The following DPP10 variants were observed in gnomAD, a reference collection of about 807,000 sequenced individuals.
DPP10 encodes the protein dipeptidyl peptidase like 10.
DPP10 carries 33 observed loss-of-function variants against 120.9 expected under a neutral mutation model. That is an observed-to-expected ratio of 0.27 (90% CI 0.21 to 0.37). The LOEUF (loss-of-function observed/expected upper bound fraction) is 0.37. DPP10 is among the 10% of genes least tolerant of loss of function. The pLI, the probability that DPP10 is intolerant of heterozygous loss-of-function variation, is 1.00. For missense variants in DPP10, 816 were observed against 942.8 expected (o/e 0.87, Z 1.76); for synonymous variants, 337 against 326.1 (o/e 1.03, Z -0.36).
intron 4 of DPP10, 118 bp from the exon 5 acceptor site, chr2:115,525,780 A>T (rs2078094776): frequency 2.9e-6 from 2 of 688,536 alleles, no homozygotes; most frequent in Non-Finnish European, 4.8e-6. Context: ...TATACAATAT[A>T]AAAGAAATGA....
At chr2:115,317,700 C>T (rs1039327840) in intron 2 of DPP10, among the ~76,000 whole-genome samples, 4 of 150,352 alleles carry the variant, frequency 2.7e-5, no homozygotes, top group African/African-American at 9.8e-5. Flanking sequence ...TTTTAATTTG[C>T]ATTTCCCTAA....
chr2:115,112,068 T>C (rs191833331), intron 1 of DPP10, among the ~76,000 whole-genome samples: 1 of 152,304 alleles, frequency 6.6e-6, no homozygotes, highest in Admixed American at 6.5e-5. Flanking sequence ...TTTGTATGTT[T>C]TTAATAAGAA....
At chr2:114,714,559 T>A (rs889318722) in intron 1 of DPP10, among the ~76,000 whole-genome samples, 1 of 152,038 alleles carries the variant, frequency 6.6e-6, no homozygotes, top group Non-Finnish European at 1.5e-5. Flanking sequence ...AGGAAGGAAA[T>A]GAGGATGAGC....
rs1189027561 is a variant in DPP10, at chr2:114,587,350, G to C, written c.60+144512G>C. 4.1e-5 allele frequency among the ~76,000 whole-genome samples: 6 copies of C among 148,026 alleles called. No homozygotes were observed. In the Admixed American group the frequency reaches 4.1e-4, roughly 10 times the overall value. On this transcript the variant is annotated intron_variant, in intron 1 of 25. Coordinates refer to ENST00000410059, the MANE Select transcript of DPP10 (RefSeq NM_020868.6). ...ACACACACGCATGCACACACACACA[G>C]ACACACACAGCCTCAGTTATTCCTT...
intron 1 of DPP10, among the ~76,000 whole-genome samples, chr2:114,846,704 T>C (rs1156288414): frequency 6.6e-6 from 1 of 152,154 alleles, no homozygotes; most frequent in Non-Finnish European, 1.5e-5. Flanking sequence ...CCTGATTTCA[T>C]CCACCATCAC....
chr2:115,307,934 G>C (rs1310564079), intron 1 of DPP10, among the ~76,000 whole-genome samples: 1 of 152,114 alleles, frequency 6.6e-6, no homozygotes, highest in Non-Finnish European at 1.5e-5. Flanking sequence ...TGAAAAAGAG[G>C]TGTGGAGCAA....
intron 3 of DPP10, among the ~76,000 whole-genome samples, chr2:115,480,610 A>G (rs2075369795): frequency 6.6e-6 from 1 of 152,138 alleles, no homozygotes. Context: ...CAGCTGTGCC[A>G]AGAGCAAATG....
At chr2:114,944,717 C>T (rs1697220055) in intron 1 of DPP10, among the ~76,000 whole-genome samples, 1 of 152,140 alleles carries the variant, frequency 6.6e-6, no homozygotes, top group African/African-American at 2.4e-5. Context: ...TTTACATACA[C>T]TATCTTTTTA....
rs910227711 is a variant in DPP10 at position 115,744,838 on chromosome 2, T to A, written c.853-1248T>A. Among the ~76,000 whole-genome samples, 4 of 150,614 alleles carry A rather than the reference T, an allele frequency of 2.7e-5. 1 individual carries two copies. The Admixed American group carries it at 2.8e-4, about 11-fold the overall frequency. ...TCAGTTTTATTCCCTTTAGGTTGTT[T>A]ATTGGATTTTTTAATTCAACTCACA... On this transcript the variant is annotated intron_variant, in intron 9 of 25. Coordinates refer to ENST00000410059, the MANE Select transcript of DPP10 (RefSeq NM_020868.6).
intron 9 of DPP10, among the ~76,000 whole-genome samples, chr2:115,740,160 G>C (rs138195949): frequency 1.3e-5 from 2 of 151,946 alleles, no homozygotes; most frequent in African/African-American, 4.8e-5. Flanking sequence ...ACACCTTACA[G>C]TTGAAAGGGG....
At chr2:115,261,834 G>T (rs2059263643) in intron 1 of DPP10, among the ~76,000 whole-genome samples, 1 of 152,122 alleles carries the variant, frequency 6.6e-6, no homozygotes, top group Non-Finnish European at 1.5e-5. Context: ...GTTCTCAAAA[G>T]ATACAAGCTT....
At chr2:114,648,696 G>A (rs1696327400) in intron 1 of DPP10, among the ~76,000 whole-genome samples, 1 of 152,166 alleles carries the variant, frequency 6.6e-6, no homozygotes, top group South Asian at 2.1e-4. Flanking sequence ...ATGATCAATA[G>A]GTAGGTATAA....
intron 1 of DPP10, among the ~76,000 whole-genome samples, chr2:114,953,924 GA>G (rs1697990098): frequency 1.3e-5 from 2 of 151,950 alleles, no homozygotes; most frequent in Admixed American, 1.3e-4. Flanking sequence ...TCATTTTGGT[GA>G]AAAGTTATGC....
At chr2:115,484,819 A>G (rs1452089856) in intron 3 of DPP10, among the ~76,000 whole-genome samples, 1 of 152,166 alleles carries the variant, frequency 6.6e-6, no homozygotes, top group Non-Finnish European at 1.5e-5. Context: ...TCAAAAAGCA[A>G]TAAATAGTCC....
intron 10 of DPP10, among the ~76,000 whole-genome samples, chr2:115,749,346 A>G (rs556261153): frequency 6.6e-6 from 1 of 152,172 alleles, no homozygotes; most frequent in Admixed American, 6.5e-5. Context: ...AAAAGTAATG[A>G]TTTGTCCTTG....
chr2:114,548,369 A>G lies in DPP10; in HGVS notation c.60+105531A>G, dbSNP rs540121054. Among the ~76,000 whole-genome samples the G allele has an allele frequency of 2.6e-5, 4 of 152,276 alleles. No individual in the cohort carries two copies. In the Middle Eastern group the frequency reaches 0.01, roughly 388 times the overall value. The stretch of plus-strand genomic sequence containing the variant: ...CAGTGACACAGCCTCAAAATTAGTA[A>G]CACAGAGATGGGGGTGTTGCGACAT... On this transcript the variant is annotated intron_variant, in intron 1 of 25. Coordinates refer to ENST00000410059, the MANE Select transcript of DPP10 (RefSeq NM_020868.6).
chr2:114,794,181 G>T (rs1483178915), intron 1 of DPP10, among the ~76,000 whole-genome samples: 2 of 152,112 alleles, frequency 1.3e-5, no homozygotes, highest in Non-Finnish European at 2.9e-5. Flanking sequence ...TGTCTGACTT[G>T]TCCATGACTG....
chr2:114,835,308 CAT>C (rs1447066651), intron 1 of DPP10: 1 of 151,292 alleles, frequency 6.6e-6, no homozygotes, highest in Non-Finnish European at 1.5e-5. Flanking sequence ...ATATATAAGA[CAT>C]ATCTACACAC....
chr2:115,026,678 A>T (rs907667411), intron 1 of DPP10, among the ~76,000 whole-genome samples: 1 of 152,080 alleles, frequency 6.6e-6, no homozygotes, highest in Non-Finnish European at 1.5e-5. Context: ...CTGGGATTAC[A>T]AGCATGCACC....
Sources: allele counts gnomAD v4.1 joint callset (sites outside exome capture counted in the v4.1 genomes callset), GRCh38; gene constraint gnomAD v4.1.1; transcripts MANE v1.5; gene names NCBI Gene and HGNC (gene_info 2026-07-23, HGNC 2026-07-21).